Variants in PPARGC1A observed in about 807,000 individuals in gnomAD.
PPARGC1A encodes PPARG coactivator 1 alpha.
In PPARGC1A, 25 loss-of-function variants were observed where a neutral mutation model predicts 88.7. The observed-to-expected ratio is 0.28, with a 90% CI of 0.21 to 0.39. The LOEUF (loss-of-function observed/expected upper bound fraction) is 0.39, where lower values mean the gene tolerates loss of function less well. Among genes scored for constraint, PPARGC1A ranks in the 10% least tolerant of loss-of-function variants. PPARGC1A has a pLI of 1.00. For missense variants in PPARGC1A, 880 were observed against 968.7 expected (o/e 0.91, Z 1.22); for synonymous variants, 363 against 355.6 (o/e 1.02, Z -0.24).
At chr4:24,289,696 CAGG>C in the PPARGC1A span, among the ~76,000 whole-genome samples, 1 of 152,174 alleles carries the variant, frequency 6.6e-6, no homozygotes, top group South Asian at 2.1e-4. Flanking sequence ...GGAACATCAT[CAGG>C]AGATCTCTCC....
the PPARGC1A span, among the ~76,000 whole-genome samples, chr4:24,152,901 C>T: frequency 1.3e-5 from 2 of 152,346 alleles, no homozygotes; most frequent in East Asian, 3.9e-4. Context: ...TTGTTTGCCA[C>T]TCAGCAACAC....
At chr4:24,156,962 A>C in the PPARGC1A span, among the ~76,000 whole-genome samples, 6 of 152,234 alleles carry the variant, frequency 3.9e-5, no homozygotes, top group East Asian at 1.2e-3. Context: ...GCTAATCCAC[A>C]GTTCCCATCC....
chr4:24,466,900 AG>A, the PPARGC1A span, among the ~76,000 whole-genome samples: 5 of 144,966 alleles, frequency 3.4e-5, no homozygotes, highest in South Asian at 2.3e-4. Flanking sequence ...AAAAAAAAAA[AG>A]AGGAAGGAAG....
chr4:24,093,625 AC>A, the PPARGC1A span, among the ~76,000 whole-genome samples: 1 of 152,176 alleles, frequency 6.6e-6, no homozygotes, highest in Non-Finnish European at 1.5e-5. Flanking sequence ...TATGGTTCTT[AC>A]CCCATTTCCC....
the PPARGC1A span, among the ~76,000 whole-genome samples, chr4:24,279,709 C>T: frequency 1.3e-5 from 2 of 152,072 alleles, no homozygotes; most frequent in East Asian, 1.9e-4. Context: ...AAACTTCCTC[C>T]GCAGTCCCCC....
At chr4:24,039,123 T>C in the PPARGC1A span, among the ~76,000 whole-genome samples, 1 of 152,308 alleles carries the variant, frequency 6.6e-6, no homozygotes, top group East Asian at 1.9e-4. Flanking sequence ...GCTTTAATGT[T>C]CCCTCTATAA....
the PPARGC1A span, among the ~76,000 whole-genome samples, chr4:24,214,711 A>T: frequency 3.9e-5 from 6 of 152,240 alleles, no homozygotes; most frequent in East Asian, 1.2e-3. Flanking sequence ...TCTCTGCTAT[A>T]GGGCAAGAAG....
At chr4:24,137,869 C>T in the PPARGC1A span, among the ~76,000 whole-genome samples, 1,521 of 152,242 alleles carry the variant, frequency 1.0e-2, 17 homozygotes, top group African/African-American at 0.035. Flanking sequence ...AGAGCTAACC[C>T]GTTTCCCCCC....
At chr4:24,248,134 C>CT in the PPARGC1A span, among the ~76,000 whole-genome samples, 14 of 151,748 alleles carry the variant, frequency 9.2e-5, no homozygotes, top group East Asian at 3.9e-4. Context: ...TTTCTTTTTT[C>CT]TTTTTTTTGA....
At chr4:24,249,100 C>G in the PPARGC1A span, among the ~76,000 whole-genome samples, 1 of 152,174 alleles carries the variant, frequency 6.6e-6, no homozygotes, top group African/African-American at 2.4e-5. Context: ...TCCATCTAGA[C>G]ATGAGAAATC....
At chr4:24,355,939 G>A in the PPARGC1A span, among the ~76,000 whole-genome samples, 1 of 152,138 alleles carries the variant, frequency 6.6e-6, no homozygotes, top group Non-Finnish European at 1.5e-5. Flanking sequence ...GCTCATGCCT[G>A]TAATCCCGGT....
At chr4:23,915,434 C>T in the PPARGC1A span, among the ~76,000 whole-genome samples, 1 of 152,176 alleles carries the variant, frequency 6.6e-6, no homozygotes, top group African/African-American at 2.4e-5. Context: ...TCCCTGACCT[C>T]CCTTATTCAA....
At chr4:24,243,364 T>C in the PPARGC1A span, among the ~76,000 whole-genome samples, 1 of 152,128 alleles carries the variant, frequency 6.6e-6, no homozygotes, top group Non-Finnish European at 1.5e-5. Flanking sequence ...CACATAACAG[T>C]GAACTCCCCA....
chr4:24,456,071 G>A, the PPARGC1A span, among the ~76,000 whole-genome samples: 2 of 152,142 alleles, frequency 1.3e-5, no homozygotes, highest in Non-Finnish European at 2.9e-5. Context: ...ATAGTACCCA[G>A]CATTAGCTGG....
chr4:23,892,144 C>T (rs190293121), upstream of PPARGC1A, among the ~76,000 whole-genome samples: 704 of 152,232 alleles, frequency 4.6e-3, 3 homozygotes, highest in South Asian at 0.014. Context: ...AGAACAGGCT[C>T]GTTATAATTT....
At chr4:24,384,054 C>G in the PPARGC1A span, among the ~76,000 whole-genome samples, 1 of 152,110 alleles carries the variant, frequency 6.6e-6, no homozygotes, top group African/African-American at 2.4e-5. Context: ...ACCCTACAAA[C>G]CAGAAGAGAG....
the PPARGC1A span, among the ~76,000 whole-genome samples, chr4:24,471,084 G>A: frequency 6.6e-6 from 1 of 151,390 alleles, no homozygotes; most frequent in Non-Finnish European, 1.5e-5. The surrounding 1 kb of genome is among the most constrained non-coding windows in gnomAD (Gnocchi z 5.4). Context: ...GCTGGCTGGC[G>A]GGCTCCGGAG....
At chr4:24,051,562 C>G in the PPARGC1A span, among the ~76,000 whole-genome samples, 2 of 152,134 alleles carry the variant, frequency 1.3e-5, no homozygotes, top group Admixed American at 1.3e-4. Context: ...AGGCACTAGC[C>G]TCAAATCACA....
At chr4:24,374,849 T>C in the PPARGC1A span, among the ~76,000 whole-genome samples, 2 of 152,076 alleles carry the variant, frequency 1.3e-5, no homozygotes, top group Non-Finnish European at 2.9e-5. Flanking sequence ...TGGAAAAAAT[T>C]AAACATGGTG....
Sources: allele counts gnomAD v4.1 joint callset (sites outside exome capture counted in the v4.1 genomes callset), GRCh38; gene constraint gnomAD v4.1.1; non-coding constraint Gnocchi (gnomAD v3.1); transcripts MANE v1.5; gene names NCBI Gene and HGNC (gene_info 2026-07-23, HGNC 2026-07-21).